Variants in TOP2B observed in about 807,000 individuals in gnomAD.
The protein encoded by TOP2B is DNA topoisomerase II beta.
A neutral mutation model predicts 193.5 loss-of-function variants in TOP2B; 51 were observed. The observed-to-expected ratio is 0.26, with a 90% CI of 0.21 to 0.33. TOP2B has a LOEUF of 0.33. TOP2B is among the 10% of genes least tolerant of loss of function. TOP2B has a pLI of 1.00. For synonymous variants in TOP2B, 634 were observed against 635.7 expected (o/e 1.00, Z 0.04); for missense variants, 1,378 against 1,909.3 (o/e 0.72, Z 5.19).
At chr3:25,602,084 C>G (rs906445456) in intron 33 of TOP2B, among the ~76,000 whole-genome samples, 2 of 152,060 alleles carry the variant, frequency 1.3e-5, no homozygotes, top group Admixed American at 1.3e-4. Context: ...ACAGCTTTAT[C>G]TGCAGTTCTA....
rs369514753 is a variant in TOP2B at position 25,599,477 on chromosome 3, G to C, written c.4668C>G (p.Gly1556=). 5 of 1,613,362 alleles carry C rather than the reference G, an allele frequency of 3.1e-6. No individual in the cohort carries two copies. In the African/African-American group the frequency reaches 6.7e-5, roughly 22 times the overall value. Residue 1556 remains glycine, a synonymous_variant, in exon 35 of 36, where the codon GGC becomes GGG. Coordinates refer to ENST00000264331, the MANE Select transcript of TOP2B (RefSeq NM_001330700.2). The part of the protein sequence containing the change: ...KRKASGSENE[G]DYNPGRKTSK... ...ATGTTTTCCTGCCAGGGTTATAATC[G>C]CCTTCATTTTCAGAGCCAGATGCTT... is the stretch of plus-strand genomic sequence containing the variant.
intron 6 of TOP2B, among the ~76,000 whole-genome samples, chr3:25,636,923 G>A (rs1450400758): frequency 1.3e-5 from 2 of 152,012 alleles, no homozygotes; most frequent in Non-Finnish European, 1.5e-5. Context: ...CTAAGTGGTT[G>A]CATGTACATG....
At chr3:25,656,195 T>C (rs544256279) in intron 1 of TOP2B, among the ~76,000 whole-genome samples, 2 of 152,316 alleles carry the variant, frequency 1.3e-5, no homozygotes, top group Middle Eastern at 3.4e-3. Flanking sequence ...GAAAAAGATA[T>C]ACCATTCTAT....
At chr3:25,601,415 T>C (rs545155702) in intron 33 of TOP2B, among the ~76,000 whole-genome samples, 190 bp from the exon 34 acceptor site, 1 of 152,216 alleles carries the variant, frequency 6.6e-6, no homozygotes, top group African/African-American at 2.4e-5. Flanking sequence ...GGTCAGCAGT[T>C]CAAGACCAGC....
In TOP2B at chr3:25,642,346, G is replaced by A; in HGVS notation, c.371C>T (p.Thr124Ile). The A allele has an allele frequency of 2.6e-6, 4 of 1,547,710 alleles. No individual in the cohort carries two copies. Among genetic ancestry groups the A allele is most frequent in the Non-Finnish European group, 3.5e-6 (4 of 1,143,814 alleles). The change falls in exon 4 of 36, where the codon ACT becomes ATT. Residue 124 changes from threonine (T) to isoleucine (I), a missense_variant. By Grantham distance (89) the Thr-to-Ile change is moderately conservative (BLOSUM62 -1). Transcript: ENST00000264331. ...CGGATCAATAGAAACTTTAATACAA[G>A]TCATGTTCTTATCCCTCTGTTTATT... ...ADNKQRDKNMTCIKVSIDPES... is the reference protein window; with the variant it reads ...ADNKQRDKNMICIKVSIDPES...
At chr3:25,614,040 T>C (rs1393306755) in intron 27 of TOP2B, among the ~76,000 whole-genome samples, 1 of 152,208 alleles carries the variant, frequency 6.6e-6, no homozygotes, top group African/African-American at 2.4e-5. Context: ...CTTTAAATGA[T>C]ACAGAGAGAC....
At chr3:25,627,403 C>T (rs1457576221) in intron 15 of TOP2B, 107 bp from the exon 16 acceptor site, 2 of 625,672 alleles carry the variant, frequency 3.2e-6, no homozygotes, top group East Asian at 5.5e-5. Flanking sequence ...AAGCTGGCAA[C>T]ACCTATACTA....
At chr3:25,618,339 A>T (rs1702566486) in intron 25 of TOP2B, 79 bp downstream of exon 25, 2 of 1,030,778 alleles carry the variant, frequency 1.9e-6, no homozygotes, top group Admixed American at 2.1e-5. Flanking sequence ...TAAATTTAAA[A>T]TTTAGGGGTT....
At chr3:25,657,523 C>A (rs1235957698) in intron 1 of TOP2B, among the ~76,000 whole-genome samples, 1 of 152,190 alleles carries the variant, frequency 6.6e-6, no homozygotes, top group African/African-American at 2.4e-5. Context: ...CCTTGAACAA[C>A]CACAAACTAG....
At chr3:25,630,549 A>G (rs1702926048) in intron 11 of TOP2B, 80 bp from the exon 12 acceptor site, 5 of 1,161,212 alleles carry the variant, frequency 4.3e-6, no homozygotes, top group Non-Finnish European at 6.0e-6. Flanking sequence ...GAAAATTAAC[A>G]TTAGAATGCT....
intron 28 of TOP2B, 121 bp downstream of exon 28, chr3:25,612,394 T>A: frequency 2.8e-6 from 2 of 704,454 alleles, no homozygotes; most frequent in Non-Finnish European, 4.3e-6. Flanking sequence ...GATTTCCTAT[T>A]ACCATTGAAA....
chr3:25,635,824 A>G (rs1324087943), intron 7 of TOP2B, 112 bp downstream of exon 7: 2 of 798,748 alleles, frequency 2.5e-6, no homozygotes, highest in Non-Finnish European at 2.0e-6. Flanking sequence ...AATGTGAATC[A>G]TCTGAACACA....
chr3:25,605,239 T>C (rs895761340), intron 32 of TOP2B, among the ~76,000 whole-genome samples: 1 of 152,116 alleles, frequency 6.6e-6, no homozygotes, highest in Non-Finnish European at 1.5e-5. Flanking sequence ...CTATTAACCA[T>C]TTCAGGAATA....
chr3:25,607,716 C>T (rs879677811), intron 30 of TOP2B, among the ~76,000 whole-genome samples: 1 of 152,206 alleles, frequency 6.6e-6, no homozygotes, highest in Admixed American at 6.5e-5. Context: ...CAAATGACAA[C>T]AAATACAATG....
chr3:25,664,327 G>A lies in TOP2B; in HGVS notation c.-30C>T. On this transcript the variant is annotated 5_prime_UTR_variant, in exon 1 of 36. Transcript: ENST00000264331. ...AGTGCCTCCAGCTCACAGGCCCTGA[G>A]GCCGCAGCCGCCGCTCCCGCCTCCC... 6.9e-7 allele frequency: 1 copy of A among 1,453,696 alleles called. No individual in the cohort carries two copies. Among genetic ancestry groups the A allele is most frequent in the Non-Finnish European group, 9.0e-7 (1 of 1,111,846 alleles). The allele number at this position is 1,453,696 out of a possible 1,614,324, so 90.0% of individuals were successfully genotyped here.
intron 23 of TOP2B, 105 bp downstream of exon 23, chr3:25,619,757 A>T (rs1186982380): frequency 1.9e-5 from 13 of 697,550 alleles, no homozygotes; most frequent in African/African-American, 3.8e-5. Context: ...AAAAAAAAAA[A>T]TGCCTTCAGG....
At position 25,630,369 on chromosome 3, in the gene TOP2B, G is replaced by GT. The variant is rs1702922994; in HGVS notation, c.1505dup (p.Tyr502Ter). Residue 502 changes from tyrosine (Y) to a stop codon, truncating the protein, a stop_gained and frameshift_variant, in exon 12 of 36, where the codon TAC (tyrosine) becomes TAAC (stop). Transcript: ENST00000264331. LOFTEE classifies it high-confidence loss of function. ...SGLGVIGRDR[Y>*]GVFPLRGKIL... ...TTTTGCCCCTGAGTGGAAAAACTCCGTATCTGTCTCGTCCAATCACACCTA... is the reference window on the plus strand; with the variant it reads ...TTTTGCCCCTGAGTGGAAAAACTCCGTTATCTGTCTCGTCCAATCACACCTA... 1 of 1,551,576 alleles carries GT rather than the reference G, an allele frequency of 6.4e-7. No individual in the cohort carries two copies.
At chr3:25,644,687 C>T (rs1450899278) in intron 2 of TOP2B, among the ~76,000 whole-genome samples, 1 of 108,674 alleles carries the variant, frequency 9.2e-6, no homozygotes, top group African/African-American at 3.6e-5. Context: ...GGCGACAGAG[C>T]GAGACACGGG....
At position 25,619,967 on chromosome 3, in the gene TOP2B, A is replaced by C; in HGVS notation, c.2958T>G (p.Thr986=). Residue 986 remains threonine (T), a synonymous_variant, in exon 23 of 36, where the codon ACT becomes ACG. Transcript: ENST00000264331. ...CAGTCATTTTCACCACAAATTTCACAGTTGTGTCAGTATGATATTCTTTAT... is the reference window on the plus strand; with the variant it reads ...CAGTCATTTTCACCACAAATTTCACCGTTGTGTCAGTATGATATTCTTTAT... ...SDYKEYHTDT[T]VKFVVKMTEE... is the part of the protein sequence containing the mutation. 1.9e-6 allele frequency: 3 copies of C among 1,611,824 alleles called. No homozygotes were observed. The highest frequency in any genetic ancestry group is 1.7e-6 in the Non-Finnish European group (2 of 1,178,580).
Sources: allele counts gnomAD v4.1 joint callset (sites outside exome capture counted in the v4.1 genomes callset), GRCh38; gene constraint gnomAD v4.1.1; transcripts MANE v1.5; gene names NCBI Gene and HGNC (gene_info 2026-07-23, HGNC 2026-07-21).